The following KCNIP4 variants were observed in gnomAD, a reference collection of about 807,000 sequenced individuals.
KCNIP4 encodes potassium voltage-gated channel interacting protein 4.
In KCNIP4, 12 loss-of-function variants were observed where a neutral mutation model predicts 34.0. The ratio of observed to expected loss-of-function variants is 0.35; its 90% CI spans 0.23 to 0.57. KCNIP4 has a LOEUF of 0.57. KCNIP4 is among the 20% of genes least tolerant of loss of function. KCNIP4 has a pLI of 0.83. For synonymous variants in KCNIP4, 124 were observed against 102.2 expected (o/e 1.21, Z -1.29); for missense variants, 238 against 311.7 (o/e 0.76, Z 1.78).
At chr4:21,357,117 A>G (rs1231234935) in intron 1 of KCNIP4, among the ~76,000 whole-genome samples, 4 of 152,226 alleles carry the variant, frequency 2.6e-5, no homozygotes, top group African/African-American at 9.6e-5. Context: ...AGCCACATGT[A>G]GAAAGCTGAA....
intron 1 of KCNIP4, among the ~76,000 whole-genome samples, chr4:21,276,564 C>A (rs2109151013): frequency 6.6e-6 from 1 of 152,186 alleles, no homozygotes; most frequent in South Asian, 2.1e-4. Flanking sequence ...ATAGTGCTGA[C>A]AAGTGCTTTG....
chr4:21,098,338 T>G lies in KCNIP4; in HGVS notation c.62-215629A>C, dbSNP rs549564180. On this transcript the variant is annotated intron_variant, in intron 1 of 8. Transcript: ENST00000382152. ...CAAGGTAGACCAAATGGTCTTTTAT[T>G]GGAAGAAAATGTTATCTAGGACTTT... Among the ~76,000 whole-genome samples, 22 of 152,326 alleles carry G rather than the reference T, an allele frequency of 1.4e-4. 2 individuals carry two copies. In the South Asian group the frequency reaches 4.1e-3, roughly 29 times the overall value.
chr4:21,148,652 G>A (rs1287129869), intron 1 of KCNIP4, among the ~76,000 whole-genome samples: 1 of 147,108 alleles, frequency 6.8e-6, no homozygotes. Flanking sequence ...TCTTAAAAAA[G>A]AACTGGACCA....
intron 1 of KCNIP4, among the ~76,000 whole-genome samples, chr4:20,907,299 A>AAT (rs1196369814): frequency 1.3e-5 from 2 of 152,150 alleles, no homozygotes; most frequent in African/African-American, 2.4e-5. Context: ...GGGGTCAACT[A>AAT]ATATATATTA....
At chr4:21,450,809 C>A (rs572814923) in intron 1 of KCNIP4, among the ~76,000 whole-genome samples, 1 of 152,066 alleles carries the variant, frequency 6.6e-6, no homozygotes, top group Non-Finnish European at 1.5e-5. Context: ...AATATAAGCA[C>A]GTGCAGATAC....
At chr4:20,841,728 G>A (rs1719743963) in intron 3 of KCNIP4, among the ~76,000 whole-genome samples, 1 of 144,394 alleles carries the variant, frequency 6.9e-6, no homozygotes, top group Non-Finnish European at 1.5e-5. Flanking sequence ...TTTGCTTAGA[G>A]TAGCCCTCCA....
intron 1 of KCNIP4, among the ~76,000 whole-genome samples, chr4:21,328,480 T>C (rs1157383539): frequency 6.6e-6 from 1 of 152,162 alleles, no homozygotes; most frequent in Non-Finnish European, 1.5e-5. Context: ...CACAAGCACC[T>C]CTGTGGCTAC....
chr4:20,937,020 A>G (rs1560583905), intron 1 of KCNIP4, among the ~76,000 whole-genome samples: 1 of 151,632 alleles, frequency 6.6e-6, no homozygotes, highest in Non-Finnish European at 1.5e-5. Context: ...TGTCCGTTCT[A>G]CTCTCCAGTA....
chr4:21,468,570 C>T (rs1372344227), intron 1 of KCNIP4, among the ~76,000 whole-genome samples: 1 of 152,188 alleles, frequency 6.6e-6, no homozygotes, highest in East Asian at 1.9e-4. Context: ...TCAGTCCTAA[C>T]ACAGTCCCAC....
intron 1 of KCNIP4, among the ~76,000 whole-genome samples, chr4:21,773,351 T>C (rs1718935425): frequency 1.3e-5 from 2 of 152,192 alleles, no homozygotes; most frequent in Admixed American, 6.5e-5. Context: ...TGGTCAATTT[T>C]AGAATAAGTG....
chr4:20,764,263 T>C (rs188713974), intron 3 of KCNIP4, among the ~76,000 whole-genome samples: 23 of 152,282 alleles, frequency 1.5e-4, no homozygotes, highest in Non-Finnish European at 1.5e-5. Context: ...TATATAAGCA[T>C]ATATACCGTA....
chr4:21,827,644 T>C (rs1056704916), intron 1 of KCNIP4, among the ~76,000 whole-genome samples: 1 of 151,974 alleles, frequency 6.6e-6, no homozygotes, highest in African/African-American at 2.4e-5. Context: ...TACATAAATA[T>C]AGAACCACAA....
At chr4:21,778,433 T>A (rs942887875) in intron 1 of KCNIP4, among the ~76,000 whole-genome samples, 4 of 151,568 alleles carry the variant, frequency 2.6e-5, no homozygotes, top group Non-Finnish European at 4.4e-5. Flanking sequence ...TGGGATCGCA[T>A]CATGTTACCC....
At chr4:21,482,807 G>A (rs1003342689) in intron 1 of KCNIP4, among the ~76,000 whole-genome samples, 15 of 151,976 alleles carry the variant, frequency 9.9e-5, no homozygotes, top group Admixed American at 2.6e-4. Flanking sequence ...TGCTCTTCTC[G>A]AGGAGTATCT....
chr4:21,920,355 A>T (rs547806383), intron 1 of KCNIP4, among the ~76,000 whole-genome samples: 1 of 152,160 alleles, frequency 6.6e-6, no homozygotes, highest in African/African-American at 2.4e-5. Context: ...TTCCTAAACT[A>T]TATAGAATTA....
intron 1 of KCNIP4, among the ~76,000 whole-genome samples, chr4:20,984,202 G>C (rs532074629): frequency 2.1e-4 from 32 of 152,320 alleles, no homozygotes; most frequent in Middle Eastern, 6.8e-3. Flanking sequence ...TGCAGCCAGC[G>C]GGCGAGTACT....
At chr4:20,943,807 A>G (rs1185037638) in intron 1 of KCNIP4, among the ~76,000 whole-genome samples, 1 of 152,212 alleles carries the variant, frequency 6.6e-6, no homozygotes, top group African/African-American at 2.4e-5. Flanking sequence ...ATCCCATACT[A>G]GCTCAACAAG....
intron 1 of KCNIP4, among the ~76,000 whole-genome samples, chr4:21,661,987 A>G (rs986004431): frequency 2.6e-5 from 4 of 152,138 alleles, no homozygotes; most frequent in African/African-American, 9.7e-5. Flanking sequence ...AGGGTGACAC[A>G]ATGCGACCCA....
At chr4:21,778,224 CTTTTTTTTTTTCTT>C (rs1719314128) in intron 1 of KCNIP4, among the ~76,000 whole-genome samples, 1 of 102,390 alleles carries the variant, frequency 9.8e-6, no homozygotes, top group Non-Finnish European at 1.9e-5. Flanking sequence ...TCCTTTTTTC[CTTTTTTTTTTTCTT>C]TTTTTTTTTT....
Sources: allele counts gnomAD v4.1 joint callset (sites outside exome capture counted in the v4.1 genomes callset), GRCh38; gene constraint gnomAD v4.1.1; transcripts MANE v1.5; gene names NCBI Gene and HGNC (gene_info 2026-07-23, HGNC 2026-07-21).